The following TTC6 variants were observed in gnomAD, a reference collection of about 807,000 sequenced individuals.
TTC6 encodes the protein tetratricopeptide repeat protein 6.
Under a neutral mutation model 210.4 loss-of-function variants are expected in TTC6, and 172 were observed. The observed-to-expected ratio is 0.82, with a 90% CI of 0.72 to 0.93. The LOEUF (loss-of-function observed/expected upper bound fraction) is 0.93, where lower values mean the gene tolerates loss of function less well. Among genes scored for constraint, TTC6 ranks in the 40% least tolerant of loss-of-function variants. The pLI is 0.00. For missense variants in TTC6, 2,414 were observed against 2,318.1 expected, an observed-to-expected ratio of 1.04 and a Z score of -0.85; for synonymous variants, 804 against 819.6, an observed-to-expected ratio of 0.98 and a Z score of 0.32.
intron 1 of TTC6, among the ~76,000 whole-genome samples, chr14:37,641,013 G>A (rs563304729): frequency 1.3e-5 from 2 of 152,288 alleles, no homozygotes; most frequent in South Asian, 2.1e-4. Context: ...AATAATTTTT[G>A]TGATACCGTC....
intron 1 of TTC6, among the ~76,000 whole-genome samples, chr14:37,629,722 C>T (rs1248792854): frequency 2.0e-5 from 3 of 152,164 alleles, no homozygotes; most frequent in Middle Eastern, 3.4e-3. Flanking sequence ...TTGCCCATTC[C>T]GTATGATATT....
chr14:37,829,591 A>T (rs1394580266), intron 29 of TTC6, among the ~76,000 whole-genome samples: 2 of 152,074 alleles, frequency 1.3e-5, no homozygotes, highest in African/African-American at 4.8e-5. Flanking sequence ...TGAGCTTATT[A>T]TGTCAGCTTG....
chr14:37,819,992 C>A (rs796318631), intron 26 of TTC6, among the ~76,000 whole-genome samples: 15 of 152,312 alleles, frequency 9.8e-5, no homozygotes, highest in African/African-American at 3.6e-4. Flanking sequence ...CATACTTTTA[C>A]ACTTGTGGTA....
intron 1 of TTC6, among the ~76,000 whole-genome samples, chr14:37,666,118 C>T (rs2095747446): frequency 6.7e-6 from 1 of 150,352 alleles, no homozygotes; most frequent in African/African-American, 2.4e-5. Context: ...TTCAGAGAGT[C>T]CTTGGGTCCT....
intron 19 of TTC6, 82 bp from the exon 22 acceptor site, chr14:37,796,705 A>T (rs1347461474): frequency 1.6e-6 from 2 of 1,288,990 alleles, no homozygotes; most frequent in African/African-American, 3.1e-5. Context: ...AAGACAAATT[A>T]TTGAATTACT....
At position 37,840,842 on chromosome 14, in the gene TTC6, G is replaced by A. The variant is rs186590198; in HGVS notation, c.5299-603G>A. Among the ~76,000 whole-genome samples, 397 of 150,600 alleles carry A rather than the reference G, an allele frequency of 2.6e-3. 1 individual carries two copies. Among genetic ancestry groups the A allele is most frequent in the African/African-American group, 9.2e-3 (378 of 41,134 alleles). On this transcript the variant is annotated intron_variant, in intron 29 of 30. Coordinates refer to ENST00000553443, the Ensembl canonical transcript of TTC6. The stretch of plus-strand genomic sequence containing the variant: ...TTTTTTAGCTCTATACAGGGATCTG[G>A]GATTTGGGGTAAGAGGCAGTGGGAG...
chr14:37,739,568 TAAAAAAAAAAAA>T (rs869033607), intron 10 of TTC6, among the ~76,000 whole-genome samples: 1 of 122,384 alleles, frequency 8.2e-6, no homozygotes, highest in African/African-American at 3.2e-5. Context: ...GACTCCATCT[TAAAAAAAAAAAA>T]AAAAAAAAAA....
chr14:37,723,087 C>A (rs972573872), intron 6 of TTC6, among the ~76,000 whole-genome samples: 2 of 151,984 alleles, frequency 1.3e-5, no homozygotes, highest in Non-Finnish European at 2.9e-5. Context: ...ATTATTTGAT[C>A]TTTGGCCATT....
intron 4 of TTC6, among the ~76,000 whole-genome samples, chr14:37,700,031 G>A (rs1249456436): frequency 6.7e-6 from 1 of 148,460 alleles, no homozygotes; most frequent in Non-Finnish European, 1.5e-5. Flanking sequence ...CATGAAGGAA[G>A]AGCAATTTCA....
At chr14:37,693,316 A>T (rs536609975) in intron 3 of TTC6, among the ~76,000 whole-genome samples, 4 of 152,168 alleles carry the variant, frequency 2.6e-5, no homozygotes, top group Non-Finnish European at 5.9e-5. Context: ...TAACCAAAGA[A>T]GTGAAGGATC....
At chr14:37,836,221 C>G (rs1306201160) in intron 29 of TTC6, among the ~76,000 whole-genome samples, 1 of 152,132 alleles carries the variant, frequency 6.6e-6, no homozygotes, top group Admixed American at 6.6e-5. Flanking sequence ...TTCTTACATC[C>G]TTAAGCTAAT....
At chr14:37,629,043 G>A (rs574831226) in intron 1 of TTC6, among the ~76,000 whole-genome samples, 56 of 152,078 alleles carry the variant, frequency 3.7e-4, no homozygotes, top group Middle Eastern at 6.8e-3. Flanking sequence ...GTAGCATGAT[G>A]CCTCCAGCTT....
At chr14:37,711,727 G>A (rs1156603135) in intron 5 of TTC6, among the ~76,000 whole-genome samples, 1 of 152,046 alleles carries the variant, frequency 6.6e-6, no homozygotes, top group Non-Finnish European at 1.5e-5. Flanking sequence ...TTGCAGAGGG[G>A]GTGACTGATA....
In TTC6 at chr14:37,735,214, C is replaced by A. The variant is rs114776221; in HGVS notation, c.1819-707C>A. Among the ~76,000 whole-genome samples, 481 of 152,250 alleles carry A rather than the reference C, an allele frequency of 3.2e-3. 2 individuals are homozygous for A. The highest frequency in any genetic ancestry group is 0.011 in the African/African-American group (448 of 41,550). ...AATAATTACATAATATTTTTAAAAT[C>A]TGACTTTTTATTCAATAAATATTTT... On this transcript the variant is annotated intron_variant, in intron 7 of 30. Transcript: ENST00000553443.
intron 20 of TTC6, among the ~76,000 whole-genome samples, chr14:37,803,674 A>G (rs2096112034): frequency 6.6e-6 from 1 of 152,146 alleles, no homozygotes; most frequent in Non-Finnish European, 1.5e-5. Context: ...GCTTTTGAGG[A>G]GTTAGCTCTG....
chr14:37,778,564 C>T (rs2096045151), intron 14 of TTC6, among the ~76,000 whole-genome samples: 1 of 152,068 alleles, frequency 6.6e-6, no homozygotes, highest in African/African-American at 2.4e-5. Context: ...TGTGTGTGCA[C>T]CTACAAAGTG....
chr14:37,652,124 A>C (rs1439639211), intron 1 of TTC6, among the ~76,000 whole-genome samples: 1 of 152,204 alleles, frequency 6.6e-6, no homozygotes, highest in Non-Finnish European at 1.5e-5. Context: ...AGAGCAGGGC[A>C]TGGTTAAACA....
In TTC6 at chr14:37,598,372, G is replaced by T. The variant is rs991287037; in HGVS notation, c.-235+2364G>T. On this transcript the variant is annotated intron_variant, in intron 1 of 2. Transcript: ENST00000556845. This position sits in a 1 kb window ranked among gnomAD's most constrained non-coding sequence, Gnocchi z 4.9. ...GTCGCGGGGAGGGCGGGCTCCTCAA[G>T]TGGGGGATCCGCGGCAGTGAGGACT... is the stretch of plus-strand genomic sequence containing the variant. Among the ~76,000 whole-genome samples the T allele has an allele frequency of 3.9e-5, 6 of 152,190 alleles. No homozygotes were observed. Among genetic ancestry groups the T allele is most frequent in the Non-Finnish European group, 8.8e-5 (6 of 68,030 alleles).
intron 29 of TTC6, among the ~76,000 whole-genome samples, chr14:37,835,156 G>A (rs977543038): frequency 2.0e-5 from 3 of 152,284 alleles, no homozygotes; most frequent in South Asian, 2.1e-4. Context: ...CAGTGAGGGC[G>A]GTAGGCTGGG....
Sources: allele counts gnomAD v4.1 joint callset (sites outside exome capture counted in the v4.1 genomes callset), GRCh38; gene constraint gnomAD v4.1.1; non-coding constraint Gnocchi (gnomAD v3.1); transcripts MANE v1.5; gene names NCBI Gene and HGNC (gene_info 2026-07-23, HGNC 2026-07-21).